The following WDR49 variants were observed in gnomAD, a reference collection of about 807,000 sequenced individuals.
WDR49 encodes cilia- and flagella-associated protein 337.
WDR49 carries 107 observed loss-of-function variants against 119.5 expected under a neutral mutation model. That is an observed-to-expected ratio of 0.90 (90% confidence interval 0.77 to 1.05). The LOEUF is 1.05. Among genes scored for constraint, WDR49 ranks in the 50% least tolerant of loss-of-function variants. The pLI is 0.00. For missense variants in WDR49, 1,240 were observed against 1,220.5 expected (o/e 1.02, Z -0.24); for synonymous variants, 425 against 418.8 (o/e 1.01, Z -0.18).
chr3:167,657,068 C>T (rs922803658), upstream of WDR49, among the ~76,000 whole-genome samples: 5 of 152,176 alleles, frequency 3.3e-5, no homozygotes, highest in African/African-American at 4.8e-5. Context: ...ACAGTCCACA[C>T]CCAAATCCCT....
chr3:167,493,379 A>G (rs965790952), intron 18 of WDR49, among the ~76,000 whole-genome samples: 3 of 152,174 alleles, frequency 2.0e-5, no homozygotes, highest in Non-Finnish European at 4.4e-5. Context: ...CTTCCCTGTG[A>G]ACAGCCTTCC....
At chr3:167,539,540 T>C (rs897129841) in intron 10 of WDR49, among the ~76,000 whole-genome samples, 95 of 152,196 alleles carry the variant, frequency 6.2e-4, no homozygotes, top group African/African-American at 2.3e-3. Context: ...TAACATTTAA[T>C]GTTATACAGT....
intron 7 of WDR49, among the ~76,000 whole-genome samples, chr3:167,596,875 A>G (rs1409201574): frequency 1.4e-5 from 2 of 147,990 alleles, no homozygotes; most frequent in Non-Finnish European, 3.0e-5. Context: ...TATAATAATA[A>G]ATAAATAAAT....
At chr3:167,622,963 C>G (rs1247909469) in intron 3 of WDR49, among the ~76,000 whole-genome samples, 1 of 152,014 alleles carries the variant, frequency 6.6e-6, no homozygotes, top group Admixed American at 6.6e-5. Context: ...CAACACACTT[C>G]TAAGTAACCA....
At chr3:167,553,098 T>A (rs142292363) in intron 10 of WDR49, among the ~76,000 whole-genome samples, 18 of 152,194 alleles carry the variant, frequency 1.2e-4, no homozygotes, top group African/African-American at 3.6e-4. Context: ...GTAAAAAGAA[T>A]CCTGTCTTAG....
chr3:167,651,666 C>T (rs1718389973), intron 2 of WDR49, among the ~76,000 whole-genome samples: 1 of 152,008 alleles, frequency 6.6e-6, no homozygotes, highest in Non-Finnish European at 1.5e-5. Flanking sequence ...TTCATACAAG[C>T]TCCGAATTAC....
chr3:167,629,092 C>T (rs948724383), intron 2 of WDR49, among the ~76,000 whole-genome samples: 1 of 151,980 alleles, frequency 6.6e-6, no homozygotes, highest in Non-Finnish European at 1.5e-5. Flanking sequence ...TCCATCTCTA[C>T]AAAAAATAAA....
intron 2 of WDR49, among the ~76,000 whole-genome samples, chr3:167,644,755 C>T (rs1718038680): frequency 6.6e-6 from 1 of 152,008 alleles, no homozygotes; most frequent in Non-Finnish European, 1.5e-5. Context: ...AGGCAAATTG[C>T]CTTCCAGAAA....
chr3:167,536,799 GGTGA>G, intron 11 of WDR49, 67 bp downstream of exon 11: 2 of 1,305,560 alleles, frequency 1.5e-6, no homozygotes, highest in Non-Finnish European at 2.0e-6. Flanking sequence ...CTTTTCTAAA[GGTGA>G]GTGAGCCAAA....
chr3:167,526,526 A>G (rs1268389437), intron 15 of WDR49, among the ~76,000 whole-genome samples: 1 of 152,144 alleles, frequency 6.6e-6, no homozygotes, highest in South Asian at 2.1e-4. Context: ...ACTGCCAGCC[A>G]TGTCCCACCC....
At chr3:167,562,311 G>A (rs1190823842) in intron 8 of WDR49, among the ~76,000 whole-genome samples, 1 of 152,134 alleles carries the variant, frequency 6.6e-6, no homozygotes, top group East Asian at 1.9e-4. Context: ...CCAGGTAAGA[G>A]ATTCTCAACT....
intron 2 of WDR49, among the ~76,000 whole-genome samples, chr3:167,646,020 T>C (rs1379183992): frequency 3.9e-5 from 6 of 152,100 alleles, no homozygotes; most frequent in Non-Finnish European, 7.4e-5. Flanking sequence ...CAGGAAATTG[T>C]TGGGGATGGG....
chr3:167,588,111 C>A (rs1714912345), intron 7 of WDR49, among the ~76,000 whole-genome samples: 1 of 152,092 alleles, frequency 6.6e-6, no homozygotes, highest in African/African-American at 2.4e-5. Flanking sequence ...CCACCACTAC[C>A]CTTCCCAGCC....
chr3:167,490,281 T>C (rs914740387), intron 18 of WDR49, among the ~76,000 whole-genome samples: 8 of 152,194 alleles, frequency 5.3e-5, no homozygotes, highest in African/African-American at 1.7e-4. Flanking sequence ...TTCTGTTTTA[T>C]AGACCCAAAA....
At chr3:167,604,533 G>T in intron 5 of WDR49, 65 bp from the exon 6 acceptor site, 1 of 1,434,668 alleles carries the variant, frequency 7.0e-7, no homozygotes, top group East Asian at 2.5e-5. Context: ...TTAGTAAAAT[G>T]GAGCTGTTTT....
intron 5 of WDR49, among the ~76,000 whole-genome samples, chr3:167,606,982 A>C (rs1716091371): frequency 6.6e-6 from 1 of 152,198 alleles, no homozygotes; most frequent in Admixed American, 6.5e-5. Context: ...ACGCAGGGAC[A>C]GCCATGTAAA....
intron 2 of WDR49, among the ~76,000 whole-genome samples, chr3:167,649,755 T>C (rs1460257159): frequency 6.6e-6 from 1 of 152,162 alleles, no homozygotes; most frequent in African/African-American, 2.4e-5. Flanking sequence ...CCTTCCTACT[T>C]TAAGGATAAA....
chr3:167,654,102 G>A (rs1410237369), upstream of WDR49: 1 of 151,790 alleles, frequency 6.6e-6, no homozygotes, highest in Non-Finnish European at 1.5e-5. Context: ...GGTTTTTTTT[G>A]AAATAAAAGG....
chr3:167,544,992 G>C (rs1440152844), intron 10 of WDR49, among the ~76,000 whole-genome samples: 1 of 150,402 alleles, frequency 6.6e-6, no homozygotes, highest in Admixed American at 6.6e-5. Flanking sequence ...AAACAAATCA[G>C]CAAGAAAAAA....
Sources: allele counts gnomAD v4.1 joint callset (sites outside exome capture counted in the v4.1 genomes callset), GRCh38; gene constraint gnomAD v4.1.1; transcripts MANE v1.5; gene names NCBI Gene and HGNC (gene_info 2026-07-23, HGNC 2026-07-21).